Variants in PAIP2B observed in about 807,000 individuals in gnomAD.
The protein encoded by PAIP2B is poly(A) binding protein interacting protein 2B, also known as polyadenylate-binding protein-interacting protein 2B.
PAIP2B carries 13 observed loss-of-function variants against 17.0 expected under a neutral mutation model. That is an observed-to-expected ratio of 0.76 (90% confidence interval 0.50 to 1.22). The LOEUF (loss-of-function observed/expected upper bound fraction) is 1.22. Among genes scored for constraint, PAIP2B ranks in the 50% most tolerant of loss-of-function variants. The pLI is 0.00. For synonymous variants in PAIP2B, 43 were observed against 48.7 expected (o/e 0.88, Z 0.48); for missense variants, 117 against 144.5 (o/e 0.81, Z 0.98).
At chr2:71,193,711 G>A (rs768192931) in intron 2 of PAIP2B, among the ~76,000 whole-genome samples, 8 of 152,156 alleles carry the variant, frequency 5.3e-5, no homozygotes, top group Non-Finnish European at 1.0e-4. Context: ...AAAATTAGCC[G>A]GGTGTGGTGG....
At chr2:71,200,588 C>T (rs1674953126) in intron 2 of PAIP2B, among the ~76,000 whole-genome samples, 1 of 152,118 alleles carries the variant, frequency 6.6e-6, no homozygotes, top group South Asian at 2.1e-4. Flanking sequence ...CCCATCTCTA[C>T]TAAAAATGCA....
intron 1 of PAIP2B, among the ~76,000 whole-genome samples, chr2:71,217,482 G>A (rs1284096427): frequency 1.3e-5 from 2 of 152,198 alleles, no homozygotes; most frequent in Middle Eastern, 3.4e-3. Flanking sequence ...TTAAACTTTT[G>A]AATTTTTTCA....
intron 1 of PAIP2B, among the ~76,000 whole-genome samples, chr2:71,224,459 A>C (rs1558785349): frequency 6.6e-6 from 1 of 152,226 alleles, no homozygotes; most frequent in Non-Finnish European, 1.5e-5. Flanking sequence ...TTTATAAAGA[A>C]ATAACAGAGA....
chr2:71,208,568 T>C lies in PAIP2B; in HGVS notation c.-11-5968A>G, dbSNP rs538841486. Among the ~76,000 whole-genome samples, 6 of 152,246 alleles carry C rather than the reference T, an allele frequency of 3.9e-5. No homozygotes were observed. In the South Asian group the frequency reaches 1.2e-3, roughly 32 times the overall value. The stretch of plus-strand genomic sequence containing the variant: ...CCGAACCCAGTGTTCTGTATTTTCT[T>C]GATTTGGATTAAATGGTAGCCCCCC... On this transcript the variant is annotated intron_variant, in intron 1 of 3. Transcript: ENST00000244221.
chr2:71,201,679 C>T (rs1004328993), intron 2 of PAIP2B, among the ~76,000 whole-genome samples: 1 of 152,154 alleles, frequency 6.6e-6, no homozygotes, highest in African/African-American at 2.4e-5. Flanking sequence ...CAATGCCTGG[C>T]CTTAAACTTC....
chr2:71,226,222 C>G (rs1016099303), intron 1 of PAIP2B, among the ~76,000 whole-genome samples: 1 of 152,192 alleles, frequency 6.6e-6, no homozygotes, highest in Non-Finnish European at 1.5e-5. Flanking sequence ...GCCAAACTCC[C>G]TGTTCTGCGT....
rs145412825 is a variant in PAIP2B, at chr2:71,207,247, A to C, written c.-11-4647T>G. 5.4e-4 allele frequency among the ~76,000 whole-genome samples: 82 copies of C among 152,330 alleles called. 1 individual carries two copies. Among genetic ancestry groups the C allele is most frequent in the African/African-American group, 1.6e-3 (68 of 41,576 alleles). Reference sequence around the variant, plus strand: ...AGAAAGGTTTCCCTGAGCAAGAAACATTTTCATTGATACCTAAAGAATGTA... The same window carrying C: ...AGAAAGGTTTCCCTGAGCAAGAAACCTTTTCATTGATACCTAAAGAATGTA... On this transcript the variant is annotated intron_variant, in intron 1 of 3. Transcript: ENST00000244221.
chr2:71,219,210 G>A lies in PAIP2B; in HGVS notation c.-12+7718C>T, dbSNP rs373594233. Among the ~76,000 whole-genome samples, 20 of 151,758 alleles carry A rather than the reference G, an allele frequency of 1.3e-4. No homozygotes were observed. The South Asian group carries it at 2.1e-3, about 16-fold the overall frequency. On this transcript the variant is annotated intron_variant, in intron 1 of 3. Transcript: ENST00000244221. Reference sequence around the variant, plus strand: ...CTCCCAAAGTGCTGGGATTACAGGCGTGAGCCACCGCGCCCAGCCTAAGGG... The same window carrying A: ...CTCCCAAAGTGCTGGGATTACAGGCATGAGCCACCGCGCCCAGCCTAAGGG...
intron 1 of PAIP2B, among the ~76,000 whole-genome samples, chr2:71,220,327 A>C (rs1465883494): frequency 6.6e-6 from 1 of 152,236 alleles, no homozygotes; most frequent in Non-Finnish European, 1.5e-5. Context: ...TCATAAAAAT[A>C]AAGGGATAAA....
At chr2:71,226,044 C>T (rs1675714839) in intron 1 of PAIP2B, among the ~76,000 whole-genome samples, 1 of 152,124 alleles carries the variant, frequency 6.6e-6, no homozygotes, top group Non-Finnish European at 1.5e-5. Flanking sequence ...ATAATAGTAA[C>T]AAAATTTAAA....
chr2:71,195,467 G>A (rs1181952701), intron 2 of PAIP2B, among the ~76,000 whole-genome samples: 1 of 152,132 alleles, frequency 6.6e-6, no homozygotes, highest in Non-Finnish European at 1.5e-5. Flanking sequence ...ATGTGTCCAG[G>A]AATTTATCCA....
At chr2:71,219,678 C>A (rs1189708333) in intron 1 of PAIP2B, among the ~76,000 whole-genome samples, 1 of 152,102 alleles carries the variant, frequency 6.6e-6, no homozygotes, top group Non-Finnish European at 1.5e-5. Flanking sequence ...CATAATCCCA[C>A]TTCATTCCTT....
chr2:71,184,396 G>C lies in PAIP2B; in HGVS notation c.*4083C>G, dbSNP rs1264269024. 1 of 152,192 alleles carries C rather than the reference G, an allele frequency of 6.6e-6. No homozygotes were observed. Among genetic ancestry groups the C allele is most frequent in the Non-Finnish European group, 1.5e-5 (1 of 68,050 alleles). 9.4% of individuals were successfully genotyped at this position (152,192 alleles called of 1,614,324 possible). On this transcript the variant is annotated 3_prime_UTR_variant, in exon 4 of 4. Coordinates refer to ENST00000244221, the MANE Select transcript of PAIP2B (RefSeq NM_020459.1). ...ATTGCCACGATGCCTCTAAAAACCA[G>C]ACTGACTGGGAACAGCAGTAGGGGG...
intron 1 of PAIP2B, among the ~76,000 whole-genome samples, chr2:71,210,736 A>G (rs902507206): frequency 6.6e-6 from 1 of 152,220 alleles, no homozygotes; most frequent in African/African-American, 2.4e-5. Context: ...CCAAATGAGA[A>G]AGACAATATA....
At position 71,195,690 on chromosome 2, in the gene PAIP2B, G is replaced by C. The variant is rs372346512; in HGVS notation, c.139-5669C>G. 4.0e-4 allele frequency among the ~76,000 whole-genome samples: 61 copies of C among 152,262 alleles called. No individual in the cohort carries two copies. In the East Asian group the frequency reaches 5.4e-3, roughly 13 times the overall value. Reference sequence around the variant, plus strand: ...GTCTCGCTCTGTCACCCAGGCTGGAGTGCAGTGGTGCAATCTCAGCTCCCT... The same window carrying C: ...GTCTCGCTCTGTCACCCAGGCTGGACTGCAGTGGTGCAATCTCAGCTCCCT... On this transcript the variant is annotated intron_variant, in intron 2 of 3. Coordinates refer to ENST00000244221, the MANE Select transcript of PAIP2B (RefSeq NM_020459.1).
At chr2:71,207,013 T>C (rs1675148726) in intron 1 of PAIP2B, among the ~76,000 whole-genome samples, 1 of 152,228 alleles carries the variant, frequency 6.6e-6, no homozygotes, top group Non-Finnish European at 1.5e-5. Context: ...TATTCACTCA[T>C]TAATATCTGA....
At chr2:71,212,595 C>G (rs892180319) in intron 1 of PAIP2B, among the ~76,000 whole-genome samples, 19 of 152,170 alleles carry the variant, frequency 1.2e-4, no homozygotes, top group African/African-American at 4.3e-4. Flanking sequence ...TTTGACAAAT[C>G]AAGTTACTCA....
At chr2:71,210,919 A>G (rs953532972) in intron 1 of PAIP2B, among the ~76,000 whole-genome samples, 3 of 152,170 alleles carry the variant, frequency 2.0e-5, no homozygotes, top group Non-Finnish European at 2.9e-5. Flanking sequence ...GACCCAAGAA[A>G]ACAAAACAGA....
intron 1 of PAIP2B, among the ~76,000 whole-genome samples, chr2:71,208,440 AG>A (rs1264864051): frequency 3.3e-5 from 5 of 151,836 alleles, no homozygotes; most frequent in African/African-American, 1.2e-4. Flanking sequence ...CAAAAAAAAA[AG>A]TCAAGTAGAG....
Sources: gnomAD v4.1 joint callset for allele counts (sites outside exome capture counted in the v4.1 genomes callset) on GRCh38, gnomAD v4.1.1 for gene constraint, MANE v1.5 for transcripts, NCBI Gene and HGNC (gene_info 2026-07-23, HGNC 2026-07-21) for gene names.